ATP8B4: variants seen among roughly 807,000 people sequenced by gnomAD.
The protein encoded by ATP8B4 is ATPase phospholipid transporting 8B4 (putative), also known as probable phospholipid-transporting ATPase IM.
A neutral mutation model predicts 145.6 loss-of-function variants in ATP8B4; 133 were observed. The ratio of observed to expected loss-of-function variants is 0.91; its 90% CI spans 0.79 to 1.05. ATP8B4 has a LOEUF of 1.05. ATP8B4 is among the 50% of genes least tolerant of loss of function. The pLI, the probability that ATP8B4 is intolerant of heterozygous loss-of-function variation, is 0.00. For synonymous variants in ATP8B4, 507 were observed against 492.9 expected (o/e 1.03, Z -0.38); for missense variants, 1,458 against 1,425.2 (o/e 1.02, Z -0.37).
At chr15:49,949,741 G>A (rs568014382) in intron 14 of ATP8B4, among the ~76,000 whole-genome samples, 12 of 150,758 alleles carry the variant, frequency 8.0e-5, no homozygotes, top group Admixed American at 6.0e-4. Context: ...ATCTTGCACT[G>A]GTTTTCAAAG....
In ATP8B4 at chr15:50,067,917, G is replaced by A. The variant is rs369912037; in HGVS notation, c.87+6210C>T. 1.1e-4 allele frequency among the ~76,000 whole-genome samples: 16 copies of A among 152,210 alleles called. No individual in the cohort carries two copies. In the East Asian group the frequency reaches 2.7e-3, roughly 26 times the overall value. On this transcript the variant is annotated intron_variant, in intron 3 of 27. Coordinates refer to ENST00000284509, the MANE Select transcript of ATP8B4 (RefSeq NM_024837.4). The stretch of plus-strand genomic sequence containing the variant: ...CATACATGTTGCTAGGTATAGAGCA[G>A]GTATGTTGTGAATATTAAATTCTGA...
In ATP8B4 at chr15:49,860,376, C is replaced by A; in HGVS notation, c.3397G>T (p.Ala1133Ser). 6.2e-7 allele frequency: 1 copy of A among 1,614,122 alleles called. No individual in the cohort carries two copies. The highest frequency in any genetic ancestry group is 8.5e-7 in the Non-Finnish European group (1 of 1,179,994). ...AGCTCTCCATAGCCTTCTTGGTGAG[C>A]AAAAGCATATCCAGACCTTCTTGAG... ...SSSRRSGYAF[A>S]HQEGYGELIT... Residue 1133 changes from alanine (A) to serine (S), a missense_variant, in exon 28 of 28, where the codon GCT becomes TCT. Transcript: ENST00000284509.
chr15:50,043,441 T>G (rs1455553236), intron 5 of ATP8B4, among the ~76,000 whole-genome samples: 2 of 152,152 alleles, frequency 1.3e-5, no homozygotes, highest in Non-Finnish European at 2.9e-5. Flanking sequence ...ATATTGAGTG[T>G]GCTTGCTCTC....
At chr15:50,169,203 C>T (rs1284102513) in intron 1 of ATP8B4, among the ~76,000 whole-genome samples, 1 of 152,236 alleles carries the variant, frequency 6.6e-6, no homozygotes, top group Non-Finnish European at 1.5e-5. Flanking sequence ...GAAAGTGCCA[C>T]CTCCTGGCAA....
intron 1 of ATP8B4, among the ~76,000 whole-genome samples, chr15:50,153,045 T>C (rs2044366415): frequency 1.3e-5 from 2 of 152,148 alleles, no homozygotes; most frequent in Admixed American, 6.5e-5. Flanking sequence ...GAACACCATA[T>C]TATAAAGGAA....
intron 20 of ATP8B4, among the ~76,000 whole-genome samples, chr15:49,908,851 T>G (rs2038917942): frequency 6.6e-6 from 1 of 152,022 alleles, no homozygotes; most frequent in South Asian, 2.1e-4. Flanking sequence ...CTTCCTCACA[T>G]TTCCACATGC....
chr15:50,118,813 AC>A (rs1042209651), intron 1 of ATP8B4, among the ~76,000 whole-genome samples: 1 of 151,882 alleles, frequency 6.6e-6, no homozygotes, highest in Non-Finnish European at 1.5e-5. Context: ...ACAAAGACCT[AC>A]AAACCAAGAA....
intron 6 of ATP8B4, among the ~76,000 whole-genome samples, chr15:50,021,123 GATA>G (rs2049521071): frequency 1.6e-5 from 1 of 64,254 alleles, no homozygotes; most frequent in Non-Finnish European, 3.3e-5. Flanking sequence ...GATTATGATA[GATA>G]GATAGATAGA....
At chr15:50,169,141 G>C (rs944268861) in intron 1 of ATP8B4, among the ~76,000 whole-genome samples, 3 of 152,146 alleles carry the variant, frequency 2.0e-5, no homozygotes, top group African/African-American at 7.2e-5. Flanking sequence ...GGAGTTCTAG[G>C]GCCCTGCCCA....
chr15:50,131,738 T>G (rs1419842031), intron 1 of ATP8B4, among the ~76,000 whole-genome samples: 2 of 145,204 alleles, frequency 1.4e-5, no homozygotes, highest in East Asian at 3.9e-4. Flanking sequence ...TTATATATTA[T>G]TATATTCATA....
At chr15:49,904,510 T>C (rs957068812) in intron 20 of ATP8B4, among the ~76,000 whole-genome samples, 2 of 152,180 alleles carry the variant, frequency 1.3e-5, no homozygotes, top group East Asian at 3.9e-4. Context: ...TTATGATTCA[T>C]GAGAGAAATT....
intron 5 of ATP8B4, among the ~76,000 whole-genome samples, chr15:50,042,052 G>A (rs908947942): frequency 1.3e-5 from 2 of 152,038 alleles, no homozygotes; most frequent in South Asian, 2.1e-4. Flanking sequence ...CTACTCAGGA[G>A]GCTGAGGCAA....
chr15:49,866,231 T>C (rs923757496), intron 26 of ATP8B4, 115 bp downstream of exon 26: 1 of 1,413,636 alleles, frequency 7.1e-7, no homozygotes, highest in African/African-American at 1.5e-5. Flanking sequence ...GCTCAAACAA[T>C]TTCTGGACAA....
At chr15:50,083,393 G>C (rs750850202) in intron 2 of ATP8B4, among the ~76,000 whole-genome samples, 13 of 151,884 alleles carry the variant, frequency 8.6e-5, no homozygotes, top group African/African-American at 2.4e-4. Flanking sequence ...CATACAGAAT[G>C]CTTTCTCTAA....
chr15:49,982,659 T>G (rs1178269138), intron 10 of ATP8B4: 1 of 152,172 alleles, frequency 6.6e-6, no homozygotes, highest in African/African-American at 2.4e-5. Context: ...TACATTCCAT[T>G]AGGCACACAA....
At chr15:50,103,985 G>A (rs2056526138) in intron 2 of ATP8B4, among the ~76,000 whole-genome samples, 1 of 152,206 alleles carries the variant, frequency 6.6e-6, no homozygotes, top group East Asian at 1.9e-4. Flanking sequence ...TGGGGGAAAG[G>A]ATACCCAATT....
chr15:50,071,327 CTCTG>C (rs1190898759), intron 3 of ATP8B4, among the ~76,000 whole-genome samples: 1 of 152,116 alleles, frequency 6.6e-6, no homozygotes, highest in African/African-American at 2.4e-5. Flanking sequence ...CCCCGTGCTT[CTCTG>C]TGAGTCTGCA....
At chr15:50,154,750 C>A (rs1234613983) in intron 1 of ATP8B4, among the ~76,000 whole-genome samples, 16 of 151,998 alleles carry the variant, frequency 1.1e-4, no homozygotes, top group Non-Finnish European at 2.4e-4. Flanking sequence ...TCTCAACTTA[C>A]TGCAACCTCC....
intron 17 of ATP8B4, 79 bp downstream of exon 17, chr15:49,923,300 G>C (rs562486249): frequency 1.0e-6 from 1 of 958,270 alleles, no homozygotes; most frequent in African/African-American, 1.7e-5. Flanking sequence ...TCATCTAGCT[G>C]CTATTTTTTT....
Sources: gnomAD v4.1 joint callset for allele counts (sites outside exome capture counted in the v4.1 genomes callset) on GRCh38, gnomAD v4.1.1 for gene constraint, MANE v1.5 for transcripts, NCBI Gene and HGNC (gene_info 2026-07-23, HGNC 2026-07-21) for gene names.